CCBE1: variants seen among roughly 807,000 people sequenced by gnomAD.
CCBE1 encodes the protein collagen and calcium binding EGF domains 1.
CCBE1 carries 37 observed loss-of-function variants against 50.0 expected under a neutral mutation model. The ratio of observed to expected loss-of-function variants is 0.74; its 90% CI spans 0.57 to 0.97. The LOEUF is 0.97. Among genes scored for constraint, CCBE1 ranks in the 50% least tolerant of loss-of-function variants. The pLI is 0.00. For missense variants in CCBE1, 538 were observed against 523.8 expected (o/e 1.03, Z -0.26); for synonymous variants, 234 against 203.7 (o/e 1.15, Z -1.27).
rs3809991 is a variant in CCBE1, at chr18:59,447,812, G to A, written c.775+171C>T. The stretch of plus-strand genomic sequence containing the variant: ...GCTATGAGGGTTTCTCAGGCTTGAG[G>A]GCCTATTTCCCAGGCTCTCTCATTG... On this transcript the variant is annotated intron_variant, in intron 7 of 10. Transcript: ENST00000439986. Among the ~76,000 whole-genome samples, 41,008 of 152,028 alleles carry A rather than the reference G, an allele frequency of 0.27. 6,109 individuals carry two copies. The highest frequency in any genetic ancestry group is 0.39 in the African/African-American group (16,208 of 41,436).
At chr18:59,529,692 T>A (rs908140977) in intron 2 of CCBE1, among the ~76,000 whole-genome samples, 8 of 152,006 alleles carry the variant, frequency 5.3e-5, no homozygotes, top group Admixed American at 2.6e-4. Flanking sequence ...ACCTAGTCAG[T>A]CCCAGTGAGA....
intron 2 of CCBE1, among the ~76,000 whole-genome samples, chr18:59,677,171 G>A (rs991440881): frequency 3.3e-5 from 5 of 152,186 alleles, no homozygotes; most frequent in Non-Finnish European, 7.3e-5. Flanking sequence ...AATATTCCAG[G>A]CCAAAGATGA....
At chr18:59,632,494 G>C (rs1456316971) in intron 2 of CCBE1, among the ~76,000 whole-genome samples, 1 of 152,154 alleles carries the variant, frequency 6.6e-6, no homozygotes, top group Non-Finnish European at 1.5e-5. Context: ...GGCTGGTCTT[G>C]AACTCGTGGC....
chr18:59,509,963 C>T (rs12456881), intron 2 of CCBE1, among the ~76,000 whole-genome samples: 63,601 of 151,734 alleles, frequency 0.42, 14,888 homozygotes, highest in East Asian at 0.66. Context: ...TGTACAAGGA[C>T]ACCAGGCTGC....
At chr18:59,555,202 A>G (rs1189158341) in intron 2 of CCBE1, among the ~76,000 whole-genome samples, 2 of 152,256 alleles carry the variant, frequency 1.3e-5, no homozygotes, top group African/African-American at 4.8e-5. Flanking sequence ...TTACATTTTA[A>G]AAACACTTTG....
intron 2 of CCBE1, among the ~76,000 whole-genome samples, chr18:59,549,587 G>T (rs1351173323): frequency 6.6e-6 from 1 of 152,192 alleles, no homozygotes; most frequent in Non-Finnish European, 1.5e-5. Flanking sequence ...CTTACTCCAA[G>T]TCCCACTGAC....
At chr18:59,582,985 T>TA (rs1162197599) in intron 2 of CCBE1, among the ~76,000 whole-genome samples, 4 of 152,022 alleles carry the variant, frequency 2.6e-5, no homozygotes, top group Admixed American at 6.6e-5. Context: ...CCCAACTAAA[T>TA]AAAAAAAATT....
intron 1 of CCBE1, among the ~76,000 whole-genome samples, 182 bp from the exon 2 acceptor site, chr18:59,696,891 G>T (rs1477067649): frequency 3.9e-5 from 6 of 152,202 alleles, no homozygotes; most frequent in Admixed American, 3.3e-4. Flanking sequence ...GCCACGCGAG[G>T]GTCACGACGA....
chr18:59,458,502 A>T (rs992488195), intron 5 of CCBE1, among the ~76,000 whole-genome samples: 7 of 152,276 alleles, frequency 4.6e-5, no homozygotes, highest in Admixed American at 4.6e-4. Flanking sequence ...TCATGATAAG[A>T]TAAACCTCTT....
At chr18:59,672,707 C>A (rs1333063832) in intron 2 of CCBE1, among the ~76,000 whole-genome samples, 5 of 152,182 alleles carry the variant, frequency 3.3e-5, no homozygotes, top group Admixed American at 2.6e-4. Context: ...CAATTGTGAG[C>A]AAGAGAATAA....
At chr18:59,457,783 GT>G in intron 5 of CCBE1, among the ~76,000 whole-genome samples, 1 of 152,164 alleles carries the variant, frequency 6.6e-6, no homozygotes, top group Non-Finnish European at 1.5e-5. Flanking sequence ...TTTCCTTTGG[GT>G]TTTTTACCCC....
chr18:59,564,175 G>C (rs544273276), intron 2 of CCBE1: 5 of 152,214 alleles, frequency 3.3e-5, no homozygotes, highest in Admixed American at 2.6e-4. Flanking sequence ...CTTTCCTTTC[G>C]AAAGTGTTTC....
chr18:59,468,837 G>GTTT (rs57118468), intron 4 of CCBE1, among the ~76,000 whole-genome samples: 12 of 124,076 alleles, frequency 9.7e-5, no homozygotes, highest in African/African-American at 3.1e-4. Context: ...AAAAGGCCAG[G>GTTT]TTTTTTTTTT....
At chr18:59,551,838 T>C (rs1212353278) in intron 2 of CCBE1, among the ~76,000 whole-genome samples, 1 of 152,206 alleles carries the variant, frequency 6.6e-6, no homozygotes, top group Admixed American at 6.5e-5. Context: ...GAGCAAGTTA[T>C]TTAGTCTTCC....
At chr18:59,477,412 T>C (rs1277508988) in intron 3 of CCBE1, among the ~76,000 whole-genome samples, 1 of 152,072 alleles carries the variant, frequency 6.6e-6, no homozygotes, top group East Asian at 1.9e-4. Context: ...GCAAAGGGAA[T>C]ATGGGTTGTG....
chr18:59,432,530 A>G lies in CCBE1; in HGVS notation c.*3378T>C, dbSNP rs1909979955. 1 of 152,224 alleles carries G rather than the reference A, an allele frequency of 6.6e-6. No individual in the cohort carries two copies. Among genetic ancestry groups the G allele is most frequent in the Admixed American group, 6.5e-5 (1 of 15,278 alleles). The allele number at this position is 152,224 out of a possible 1,614,324, so 9.4% of individuals were successfully genotyped here. A position where few individuals can be genotyped will look rare whatever the true frequency, so the allele number is the denominator to read the frequency against. ...CTTTTTCTATCTAGTTAAAAGATAC[A>G]TTAGAAATAATGATGCCTTATGATG... On this transcript the variant is annotated 3_prime_UTR_variant, in exon 11 of 11. Coordinates refer to ENST00000439986, the MANE Select transcript of CCBE1 (RefSeq NM_133459.4).
intron 2 of CCBE1, among the ~76,000 whole-genome samples, chr18:59,513,498 GC>G (rs1914228361): frequency 6.6e-6 from 1 of 152,152 alleles, no homozygotes; most frequent in Non-Finnish European, 1.5e-5. Flanking sequence ...GGCTGCTCAG[GC>G]CTAACTTCAG....
intron 2 of CCBE1, among the ~76,000 whole-genome samples, chr18:59,639,733 C>T (rs1378369235): frequency 6.6e-6 from 1 of 152,100 alleles, no homozygotes; most frequent in Non-Finnish European, 1.5e-5. Flanking sequence ...GATTTTATAC[C>T]TAGAAACCCC....
intron 2 of CCBE1, among the ~76,000 whole-genome samples, chr18:59,575,102 C>T (rs1210827105): frequency 6.6e-6 from 1 of 152,122 alleles, no homozygotes; most frequent in Non-Finnish European, 1.5e-5. Flanking sequence ...TAGCAGACCT[C>T]CAGAAGGTGG....
Sources: allele counts gnomAD v4.1 joint callset (sites outside exome capture counted in the v4.1 genomes callset), GRCh38; gene constraint gnomAD v4.1.1; transcripts MANE v1.5; gene names NCBI Gene and HGNC (gene_info 2026-07-23, HGNC 2026-07-21).